NCKAP5: variants seen among roughly 807,000 people sequenced by gnomAD.
NCKAP5 encodes the protein nck-associated protein 5.
A neutral mutation model predicts 167.0 loss-of-function variants in NCKAP5; 92 were observed. The ratio of observed to expected loss-of-function variants is 0.55; its 90% CI spans 0.47 to 0.66. The LOEUF (loss-of-function observed/expected upper bound fraction) is 0.66. Ranked by LOEUF, NCKAP5 falls within the 30% of genes least tolerant of loss-of-function variation. The pLI, the probability that NCKAP5 is intolerant of heterozygous loss-of-function variation, is 0.00. For synonymous variants in NCKAP5, 891 were observed against 877.4 expected (o/e 1.02, Z -0.27); for missense variants, 2,378 against 2,315.0 (o/e 1.03, Z -0.56).
At chr2:133,142,062 G>A (rs1018491331) in intron 5 of NCKAP5, among the ~76,000 whole-genome samples, 1 of 152,030 alleles carries the variant, frequency 6.6e-6, no homozygotes, top group African/African-American at 2.4e-5. Context: ...ATTTCTGGGA[G>A]GTAAGGTTAA....
In NCKAP5 at chr2:132,784,495, C is replaced by T; in HGVS notation, c.2316G>A (p.Lys772=). ...RTVTQNPQQQ[K]LVKPTHNISC... Reference sequence around the variant, plus strand: ...ATATATTGTGTGTTGGTTTGACCAGCTTTTGCTGCTGAGGATTTTGTGTCA... The same window carrying T: ...ATATATTGTGTGTTGGTTTGACCAGTTTTTGCTGCTGAGGATTTTGTGTCA... The change falls in exon 14 of 20, where the codon AAG becomes AAA. Residue 772 remains lysine, a synonymous_variant. Coordinates refer to ENST00000409261, the MANE Select transcript of NCKAP5 (RefSeq NM_207363.3). The T allele has an allele frequency of 1.3e-6, 2 of 1,572,692 alleles. No homozygotes were observed. The highest frequency in any genetic ancestry group is 1.7e-6 in the Non-Finnish European group (2 of 1,160,368).
At chr2:132,998,920 A>G (rs1241133307) in intron 6 of NCKAP5, among the ~76,000 whole-genome samples, 1 of 152,058 alleles carries the variant, frequency 6.6e-6, no homozygotes, top group Non-Finnish European at 1.5e-5. Flanking sequence ...ACCTTAATTC[A>G]TGTCTTCTAG....
chr2:133,499,564 T>C, intron 3 of NCKAP5, among the ~76,000 whole-genome samples: 1 of 151,996 alleles, frequency 6.6e-6, no homozygotes, highest in South Asian at 2.1e-4. Flanking sequence ...TTGTTTTTTG[T>C]TTTTTGTTTT....
chr2:133,110,848 G>T (rs2081884495), intron 6 of NCKAP5, among the ~76,000 whole-genome samples: 1 of 152,154 alleles, frequency 6.6e-6, no homozygotes, highest in African/African-American at 2.4e-5. Context: ...CAGTTCTAGA[G>T]GCTGGATGCC....
At chr2:133,003,206 T>C (rs1476616789) in intron 6 of NCKAP5, among the ~76,000 whole-genome samples, 2 of 152,210 alleles carry the variant, frequency 1.3e-5, no homozygotes, top group African/African-American at 2.4e-5. Context: ...AGAGAGAGGA[T>C]AGGACAATTA....
intron 4 of NCKAP5, among the ~76,000 whole-genome samples, chr2:133,258,855 C>T (rs565216538): frequency 4.6e-5 from 7 of 152,160 alleles, no homozygotes; most frequent in Admixed American, 3.3e-4. Flanking sequence ...AGGAGAGAAA[C>T]ATTTTTTAAA....
At chr2:132,738,227 A>G (rs929703722) in intron 16 of NCKAP5, among the ~76,000 whole-genome samples, 1 of 152,188 alleles carries the variant, frequency 6.6e-6, no homozygotes, top group Non-Finnish European at 1.5e-5. Flanking sequence ...TATTTTAATG[A>G]TGGATTTCTT....
chr2:132,744,654 A>C (rs927040494), intron 16 of NCKAP5, among the ~76,000 whole-genome samples: 3 of 151,614 alleles, frequency 2.0e-5, no homozygotes, highest in African/African-American at 7.2e-5. Flanking sequence ...AAACAATTTA[A>C]AAATCAATGA....
At chr2:133,137,406 T>TGTGTGTGTGTG (rs2082828771) in intron 5 of NCKAP5, among the ~76,000 whole-genome samples, 35 of 136,298 alleles carry the variant, frequency 2.6e-4, no homozygotes, top group African/African-American at 8.6e-4. Flanking sequence ...GAGCTTGGTT[T>TGTGTGTGTGTG]TGTGTGTGTG....
chr2:132,673,971 C>A (rs540310404), intron 19 of NCKAP5, among the ~76,000 whole-genome samples: 1 of 152,036 alleles, frequency 6.6e-6, no homozygotes, highest in Non-Finnish European at 1.5e-5. Flanking sequence ...GTTATTAATA[C>A]CCTGTATGAT....
At chr2:133,156,296 T>C (rs1300665165) in intron 5 of NCKAP5, among the ~76,000 whole-genome samples, 1 of 152,156 alleles carries the variant, frequency 6.6e-6, no homozygotes, top group Non-Finnish European at 1.5e-5. Flanking sequence ...CCCAGACGCA[T>C]AAGCTCAGCG....
chr2:133,385,714 T>G (rs1462906704), intron 3 of NCKAP5, among the ~76,000 whole-genome samples: 1 of 152,186 alleles, frequency 6.6e-6, no homozygotes, highest in African/African-American at 2.4e-5. Context: ...AATTATTGCC[T>G]CAATTTCAGA....
intron 12 of NCKAP5, among the ~76,000 whole-genome samples, chr2:132,794,235 T>TAC (rs1684319518): frequency 2.3e-5 from 1 of 43,428 alleles, no homozygotes; most frequent in Non-Finnish European, 4.6e-5. Context: ...TATATATATA[T>TAC]ATATATATAT....
chr2:133,670,223 T>G, the NCKAP5 span, among the ~76,000 whole-genome samples: 1 of 152,152 alleles, frequency 6.6e-6, no homozygotes, highest in Non-Finnish European at 1.5e-5. Flanking sequence ...GCAGAATAAA[T>G]GGGATAATGC....
intron 3 of NCKAP5, among the ~76,000 whole-genome samples, chr2:133,304,693 T>C (rs1445369285): frequency 6.6e-6 from 1 of 152,246 alleles, no homozygotes; most frequent in Non-Finnish European, 1.5e-5. Flanking sequence ...CTTAAAGTTA[T>C]TCATTTTTTC....
At chr2:133,464,048 C>T (rs1016032969) in intron 3 of NCKAP5, among the ~76,000 whole-genome samples, 8 of 152,098 alleles carry the variant, frequency 5.3e-5, no homozygotes, top group Admixed American at 1.3e-4. Context: ...GCAAACAGCA[C>T]GGGGGAGCCT....
At chr2:132,909,407 T>C (rs1407002684) in intron 8 of NCKAP5, among the ~76,000 whole-genome samples, 1 of 152,208 alleles carries the variant, frequency 6.6e-6, no homozygotes, top group Non-Finnish European at 1.5e-5. Flanking sequence ...CCAATGATCA[T>C]GCCTTTCTTT....
At chr2:132,684,650 G>A (rs1406669042) in intron 19 of NCKAP5, among the ~76,000 whole-genome samples, 1 of 152,150 alleles carries the variant, frequency 6.6e-6, no homozygotes. Context: ...TTTGGTCTAT[G>A]TAATAATACC....
At position 133,498,900 on chromosome 2, in the gene NCKAP5, C is replaced by A. The variant is rs563006712; in HGVS notation, c.69+18558G>T. On this transcript the variant is annotated intron_variant, in intron 3 of 19. Transcript: ENST00000409261. ...TTAATACTCATTATCTTGGCTTCCA[C>A]AGATACAATTGTTTTATGGCTCCAA... Among the ~76,000 whole-genome samples the A allele has an allele frequency of 1.1e-4, 16 of 152,342 alleles. 1 individual carries two copies. The South Asian group carries it at 3.1e-3, about 30-fold the overall frequency.
Sources: allele counts gnomAD v4.1 joint callset (sites outside exome capture counted in the v4.1 genomes callset), GRCh38; gene constraint gnomAD v4.1.1; transcripts MANE v1.5; gene names NCBI Gene and HGNC (gene_info 2026-07-23, HGNC 2026-07-21).